Variants in THSD7B observed in about 807,000 individuals in gnomAD.
THSD7B encodes thrombospondin type 1 domain containing 7B, also known as thrombospondin type-1 domain-containing protein 7B.
THSD7B carries 138 observed loss-of-function variants against 213.6 expected under a neutral mutation model. That is an observed-to-expected ratio of 0.65 (90% CI 0.56 to 0.74). THSD7B has a LOEUF of 0.74. Among genes scored for constraint, THSD7B ranks in the 30% least tolerant of loss-of-function variants. The probability of loss-of-function intolerance (pLI) is 0.00; values close to 1 mark genes in which losing one functional copy is unlikely to be tolerated. For synonymous variants in THSD7B, 742 were observed against 687.0 expected (o/e 1.08, Z -1.25); for missense variants, 1,931 against 1,991.5 (o/e 0.97, Z 0.58).
At chr2:137,673,169 C>T (rs764507253) in intron 27 of THSD7B, among the ~76,000 whole-genome samples, 5 of 152,204 alleles carry the variant, frequency 3.3e-5, no homozygotes, top group Non-Finnish European at 5.9e-5. Context: ...TGAGAAGTGC[C>T]AGAGGCTTGC....
At chr2:137,221,726 CT>C (rs1173529105) in intron 7 of THSD7B, among the ~76,000 whole-genome samples, 3 of 152,158 alleles carry the variant, frequency 2.0e-5, no homozygotes, top group Non-Finnish European at 4.4e-5. Flanking sequence ...AATTACCATA[CT>C]TTTCCCATGT....
intron 3 of THSD7B, among the ~76,000 whole-genome samples, chr2:137,085,977 T>G (rs1329903672): frequency 2.6e-5 from 4 of 152,198 alleles, no homozygotes; most frequent in African/African-American, 9.7e-5. Flanking sequence ...TGTATGTCTG[T>G]TGTCAACATC....
At chr2:137,143,689 C>T (rs886889886) in intron 5 of THSD7B, among the ~76,000 whole-genome samples, 16 of 152,068 alleles carry the variant, frequency 1.1e-4, no homozygotes, top group African/African-American at 3.9e-4. Flanking sequence ...AAATTGAACA[C>T]GCTGACCTTT....
chr2:136,874,879 C>T (rs1425686091), intron 1 of THSD7B, among the ~76,000 whole-genome samples: 1 of 152,122 alleles, frequency 6.6e-6, no homozygotes, highest in Non-Finnish European at 1.5e-5. Context: ...ACATGTCTCC[C>T]ACATAATGTA....
At chr2:136,833,005 A>T (rs1341015460) in intron 1 of THSD7B, among the ~76,000 whole-genome samples, 1 of 152,100 alleles carries the variant, frequency 6.6e-6, no homozygotes, top group Non-Finnish European at 1.5e-5. Flanking sequence ...CTGATCTCTT[A>T]ATAGACTTTA....
intron 5 of THSD7B, among the ~76,000 whole-genome samples, chr2:137,122,899 T>G (rs1043177606): frequency 6.6e-6 from 1 of 152,110 alleles, no homozygotes; most frequent in East Asian, 1.9e-4. Context: ...ACTACAGCAC[T>G]TTGTCTCACT....
chr2:137,262,739 C>T (rs1682481037), intron 10 of THSD7B, among the ~76,000 whole-genome samples: 1 of 152,126 alleles, frequency 6.6e-6, no homozygotes, highest in Admixed American at 6.6e-5. Flanking sequence ...GCATAAGAAA[C>T]TCTTCTTTAG....
At chr2:137,284,083 T>A (rs2104822771) in intron 12 of THSD7B, among the ~76,000 whole-genome samples, 2 of 152,252 alleles carry the variant, frequency 1.3e-5, no homozygotes, top group Admixed American at 1.3e-4. Flanking sequence ...CAGAGCCTGT[T>A]ATTGGTCTAT....
Position 137,136,827 on chromosome 2 carries a change from T to C in THSD7B, c.1369+21534T>C, listed in dbSNP as rs537101217. Among the ~76,000 whole-genome samples, 88 of 152,362 alleles carry C rather than the reference T, an allele frequency of 5.8e-4. No homozygotes were observed. The South Asian group carries it at 0.015, about 25-fold the overall frequency. On this transcript the variant is annotated intron_variant, in intron 5 of 27. Coordinates refer to ENST00000409968, the MANE Select transcript of THSD7B (RefSeq NM_001316349.2). ...ATCTTAATTTTTTTCTGAAAGACAA[T>C]TCATTTTTTATGTTGAAAATACTAC...
At chr2:137,311,232 GTT>G (rs1367511439) in intron 12 of THSD7B, among the ~76,000 whole-genome samples, 1 of 151,382 alleles carries the variant, frequency 6.6e-6, no homozygotes, top group Admixed American at 6.6e-5. Flanking sequence ...TCCCTTGTAA[GTT>G]GGATTCCTAG....
At chr2:137,492,815 G>A (rs934818553) in intron 15 of THSD7B, among the ~76,000 whole-genome samples, 10 of 151,988 alleles carry the variant, frequency 6.6e-5, no homozygotes, top group Non-Finnish European at 1.0e-4. Context: ...AGTATTATTA[G>A]CAATAAACTA....
chr2:137,198,131 T>A (rs2196342), intron 7 of THSD7B, among the ~76,000 whole-genome samples: 4 of 152,136 alleles, frequency 2.6e-5, no homozygotes, highest in Admixed American at 1.3e-4. Flanking sequence ...AAAAGAGAAA[T>A]GGAAATACTA....
At chr2:137,315,420 T>A (rs1302993747) in intron 12 of THSD7B, among the ~76,000 whole-genome samples, 5 of 152,188 alleles carry the variant, frequency 3.3e-5, no homozygotes, top group African/African-American at 1.2e-4. Flanking sequence ...CACTCCCTAG[T>A]GAGATGAACC....
At chr2:137,150,007 C>T (rs183264372) in intron 5 of THSD7B, among the ~76,000 whole-genome samples, 65 of 152,044 alleles carry the variant, frequency 4.3e-4, no homozygotes, top group African/African-American at 1.5e-3. Context: ...TTTGGGAGGC[C>T]GAGGCGGGCA....
At chr2:137,554,284 T>G (rs1680906819) in intron 15 of THSD7B, among the ~76,000 whole-genome samples, 1 of 152,140 alleles carries the variant, frequency 6.6e-6, no homozygotes, top group African/African-American at 2.4e-5. Context: ...TATTTATTAA[T>G]AGCCTCCCCT....
chr2:137,444,458 C>G (rs770587063), intron 14 of THSD7B, among the ~76,000 whole-genome samples: 1 of 151,792 alleles, frequency 6.6e-6, no homozygotes. Context: ...TTAAACTAAT[C>G]TGATTGAAGT....
At chr2:137,068,446 C>T (rs1165663450) in intron 3 of THSD7B, among the ~76,000 whole-genome samples, 1 of 151,902 alleles carries the variant, frequency 6.6e-6, no homozygotes, top group Non-Finnish European at 1.5e-5. Context: ...ACTTTCATTG[C>T]CAAAAACAAA....
intron 2 of THSD7B, among the ~76,000 whole-genome samples, chr2:136,893,749 T>C (rs1351049012): frequency 4.6e-5 from 7 of 152,194 alleles, no homozygotes; most frequent in African/African-American, 1.4e-4. Flanking sequence ...TTCACTAAAG[T>C]TCCCAACACT....
chr2:136,954,498 T>G (rs1685090317), intron 2 of THSD7B, among the ~76,000 whole-genome samples: 2 of 151,942 alleles, frequency 1.3e-5, no homozygotes, highest in African/African-American at 4.8e-5. Context: ...GGGCGGATCT[T>G]GAGGTCAGGA....
Sources: allele counts gnomAD v4.1 joint callset (sites outside exome capture counted in the v4.1 genomes callset), GRCh38; gene constraint gnomAD v4.1.1; transcripts MANE v1.5; gene names NCBI Gene and HGNC (gene_info 2026-07-23, HGNC 2026-07-21).